LIMS1: variants seen among roughly 807,000 people sequenced by gnomAD.
The protein encoded by LIMS1 is LIM zinc finger domain containing 1.
In LIMS1, 18 loss-of-function variants were observed where a neutral mutation model predicts 44.1. The observed-to-expected ratio is 0.41, with a 90% CI of 0.28 to 0.61. The LOEUF (loss-of-function observed/expected upper bound fraction) is 0.61. Among genes scored for constraint, LIMS1 ranks in the 20% least tolerant of loss-of-function variants. LIMS1 has a pLI of 0.32. For synonymous variants in LIMS1, 93 were observed against 149.1 expected (o/e 0.62, Z 2.74); for missense variants, 201 against 422.0 (o/e 0.48, Z 4.59).
intron 9 of LIMS1, among the ~76,000 whole-genome samples, chr2:108,683,508 C>G (rs1693140046): frequency 1.4e-5 from 2 of 145,718 alleles, no homozygotes; most frequent in East Asian, 2.0e-4. Context: ...CCACTGCACT[C>G]CAGCCTGAGT....
chr2:108,597,818 G>A (rs546669956), intron 1 of LIMS1, among the ~76,000 whole-genome samples: 10 of 149,830 alleles, frequency 6.7e-5, no homozygotes, highest in South Asian at 6.3e-4. Flanking sequence ...TCAGCCTCCC[G>A]AATAGCTGGG....
At chr2:108,639,593 C>G (rs1689528240) in intron 1 of LIMS1, among the ~76,000 whole-genome samples, 1 of 152,194 alleles carries the variant, frequency 6.6e-6, no homozygotes, top group Admixed American at 6.5e-5. Context: ...GCTGGGATTA[C>G]AGGCACCTGC....
At chr2:108,597,693 C>CTTTTTTTTTTT (rs10693112) in intron 1 of LIMS1, among the ~76,000 whole-genome samples, 1 of 108,540 alleles carries the variant, frequency 9.2e-6, no homozygotes, top group Non-Finnish European at 1.8e-5. Context: ...AGCAAAAATG[C>CTTTTTTTTTTT]TTTTTTTTTT....
intron 1 of LIMS1, among the ~76,000 whole-genome samples, chr2:108,609,773 G>A (rs1215836160): frequency 6.6e-6 from 1 of 152,240 alleles, no homozygotes; most frequent in Non-Finnish European, 1.5e-5. Context: ...CACATATACA[G>A]CAGTGTATGA....
At chr2:108,646,945 T>A (rs1690107324) in intron 1 of LIMS1, among the ~76,000 whole-genome samples, 1 of 152,088 alleles carries the variant, frequency 6.6e-6, no homozygotes, top group African/African-American at 2.4e-5. Context: ...ATGGTCTCGA[T>A]CTCCTGATCT....
chr2:108,619,060 A>G (rs1187924342), intron 1 of LIMS1, among the ~76,000 whole-genome samples: 1 of 151,718 alleles, frequency 6.6e-6, no homozygotes, highest in Admixed American at 6.6e-5. Context: ...AACCCCCTGC[A>G]CATCCTTTTA....
intron 1 of LIMS1, among the ~76,000 whole-genome samples, chr2:108,574,461 A>C (rs143779444): frequency 1.5e-3 from 230 of 152,250 alleles, no homozygotes; most frequent in Admixed American, 5.2e-3. Flanking sequence ...ACCTTCTGCA[A>C]ACTCCGAGAG....
exon 10 of LIMS1, chr2:108,683,913 C>T (rs1188179933): frequency 1.9e-6 from 3 of 1,593,820 alleles, no homozygotes; most frequent in Admixed American, 1.8e-5. Flanking sequence ...TGACATGAAG[C>T]CAGTCTGTAA....
At position 108,534,457 on chromosome 2, in the gene LIMS1, C is replaced by CG; in HGVS notation, c.-106_-105insG. On this transcript the variant is annotated 5_prime_UTR_variant, in exon 1 of 10. Coordinates refer to ENST00000544547, the Ensembl canonical transcript of LIMS1. ...GCCCCTGGCCTTCCTCCCCTTCCTG[C>CG]TCCGGGCCCGCCAGTAGCCGGCCGC... 1.1e-6 allele frequency: 1 copy of CG among 944,096 alleles called. No homozygotes were observed. Among genetic ancestry groups the CG allele is most frequent in the Non-Finnish European group, 1.3e-6 (1 of 745,592 alleles). 58.5% of individuals were successfully genotyped at this position (944,096 alleles called of 1,614,324 possible).
chr2:108,583,647 A>T (rs530070895), intron 1 of LIMS1, among the ~76,000 whole-genome samples: 14 of 151,736 alleles, frequency 9.2e-5, no homozygotes, highest in African/African-American at 2.9e-4. Flanking sequence ...ATCTATGTCC[A>T]TTCAGAATAG....
chr2:108,569,839 G>A (rs1323649027), intron 1 of LIMS1, among the ~76,000 whole-genome samples: 1 of 143,572 alleles, frequency 7.0e-6, no homozygotes, highest in Non-Finnish European at 1.5e-5. Context: ...GGCCTCAGGT[G>A]ATCCTCCCAC....
At chr2:108,543,668 C>T (rs574948090) in intron 1 of LIMS1, among the ~76,000 whole-genome samples, 1 of 152,174 alleles carries the variant, frequency 6.6e-6, no homozygotes, top group Non-Finnish European at 1.5e-5. Flanking sequence ...CTCCAGCACT[C>T]AGACCTTAGT....
chr2:108,538,132 G>A (rs1293818812), intron 1 of LIMS1, among the ~76,000 whole-genome samples: 2 of 152,138 alleles, frequency 1.3e-5, no homozygotes, highest in Non-Finnish European at 2.9e-5. Flanking sequence ...TTATATGCTG[G>A]ACTGTTGCCA....
exon 10 of LIMS1, chr2:108,686,984 A>G (rs1428285062): frequency 6.6e-6 from 1 of 152,214 alleles, no homozygotes; most frequent in Non-Finnish European, 1.5e-5. Flanking sequence ...ATCAGGAACA[A>G]TGGGTACAAG....
chr2:108,669,161 C>T (rs1379135726), intron 2 of LIMS1, among the ~76,000 whole-genome samples: 5 of 152,184 alleles, frequency 3.3e-5, no homozygotes, highest in Non-Finnish European at 7.4e-5. Context: ...AATCCCAGCA[C>T]TTTGGGAGGC....
chr2:108,550,488 G>A (rs1218022899), intron 1 of LIMS1, among the ~76,000 whole-genome samples: 1 of 149,400 alleles, frequency 6.7e-6, no homozygotes, highest in Non-Finnish European at 1.5e-5. Context: ...GACAGAGCGA[G>A]ACTCCATCTC....
At chr2:108,539,051 C>G (rs1215204262) in intron 1 of LIMS1, among the ~76,000 whole-genome samples, 2 of 152,156 alleles carry the variant, frequency 1.3e-5, no homozygotes, top group African/African-American at 4.8e-5. Context: ...TTAATTATCA[C>G]AAACACTTTG....
At chr2:108,633,719 T>C (rs946851604) in intron 1 of LIMS1, among the ~76,000 whole-genome samples, 18 of 152,358 alleles carry the variant, frequency 1.2e-4, no homozygotes, top group Admixed American at 1.1e-3. Context: ...AAGTGCATGT[T>C]TGCCATTCTG....
chr2:108,555,677 G>A (rs1285990527), intron 1 of LIMS1, among the ~76,000 whole-genome samples: 4 of 152,234 alleles, frequency 2.6e-5, no homozygotes, highest in Non-Finnish European at 1.5e-5. Context: ...CTGTTCACAT[G>A]AAAGTTGGTG....
Sources: allele counts gnomAD v4.1 joint callset (sites outside exome capture counted in the v4.1 genomes callset), GRCh38; gene constraint gnomAD v4.1.1; transcripts MANE v1.5; gene names NCBI Gene and HGNC (gene_info 2026-07-23, HGNC 2026-07-21).